Variants in FNDC3B observed in about 807,000 individuals in gnomAD.
FNDC3B encodes the protein fibronectin type III domain-containing protein 3B.
A neutral mutation model predicts 151.5 loss-of-function variants in FNDC3B; 12 were observed. The observed-to-expected ratio is 0.08, with a 90% CI of 0.05 to 0.13. FNDC3B has a LOEUF of 0.13. Ranked by LOEUF, FNDC3B falls within the 10% of genes least tolerant of loss-of-function variation. The pLI is 1.00. For missense variants in FNDC3B, 1,214 were observed against 1,505.3 expected, an observed-to-expected ratio of 0.81 and a Z score of 3.20; for synonymous variants, 528 against 549.0, an observed-to-expected ratio of 0.96 and a Z score of 0.54.
At chr3:172,183,481 A>G (rs1724019789) in intron 3 of FNDC3B, among the ~76,000 whole-genome samples, 1 of 152,032 alleles carries the variant, frequency 6.6e-6, no homozygotes, top group African/African-American at 2.4e-5. Context: ...ATTTTAACCC[A>G]TTTCTGGTTG....
At chr3:172,079,035 A>G (rs1718159480) in intron 1 of FNDC3B, among the ~76,000 whole-genome samples, 1 of 152,170 alleles carries the variant, frequency 6.6e-6, no homozygotes, top group Admixed American at 6.5e-5. Context: ...CACGCCCTAT[A>G]GAAATTATGT....
intron 3 of FNDC3B, among the ~76,000 whole-genome samples, chr3:172,164,420 T>A (rs1559996350): frequency 6.6e-6 from 1 of 152,132 alleles, no homozygotes. Flanking sequence ...TATTAGGAAG[T>A]AATACCTATA....
chr3:172,073,118 A>G (rs571372640), intron 1 of FNDC3B, among the ~76,000 whole-genome samples: 32 of 152,106 alleles, frequency 2.1e-4, no homozygotes, highest in African/African-American at 6.0e-4. Flanking sequence ...TAACACAGAC[A>G]TTTTCTTTGT....
chr3:172,372,426 G>C lies in FNDC3B; in HGVS notation c.3009-5844G>C, dbSNP rs373400309. Among the ~76,000 whole-genome samples, 6 of 152,314 alleles carry C rather than the reference G, an allele frequency of 3.9e-5. No homozygotes were observed. In the East Asian group the frequency reaches 9.6e-4, roughly 24 times the overall value. The stretch of plus-strand genomic sequence containing the variant: ...CCTGAACTCATACTAAAATGACTCA[G>C]TGACTTTATTGAGCATATGGTATGT... On this transcript the variant is annotated intron_variant, in intron 23 of 25. Coordinates refer to ENST00000415807, the MANE Select transcript of FNDC3B (RefSeq NM_022763.4).
chr3:172,254,359 T>G (rs1728229809), intron 6 of FNDC3B, among the ~76,000 whole-genome samples: 1 of 145,730 alleles, frequency 6.9e-6, no homozygotes, highest in Admixed American at 6.8e-5. Context: ...TGACTTCATG[T>G]TTTTTTTTTT....
chr3:172,174,164 G>A lies in FNDC3B; in HGVS notation c.187+40618G>A, dbSNP rs774563791. On this transcript the variant is annotated intron_variant, in intron 3 of 25. Coordinates refer to ENST00000415807, the MANE Select transcript of FNDC3B (RefSeq NM_022763.4). ...CTCTCATTCTCTTTTACCAAAGAGC[G>A]AATTCATTATTGAACCTGTTAGGAT... Among the ~76,000 whole-genome samples, 3 of 152,166 alleles carry A rather than the reference G, an allele frequency of 2.0e-5. No homozygotes were observed. The South Asian group carries it at 6.2e-4, about 31-fold the overall frequency.
chr3:172,060,140 A>T (rs1005536145), intron 1 of FNDC3B, among the ~76,000 whole-genome samples: 1 of 152,244 alleles, frequency 6.6e-6, no homozygotes, highest in Non-Finnish European at 1.5e-5. Context: ...GAGAACCCTC[A>T]TAGTCAGTGG....
At chr3:172,291,111 G>T (rs1366559854) in intron 7 of FNDC3B, among the ~76,000 whole-genome samples, 3 of 152,184 alleles carry the variant, frequency 2.0e-5, no homozygotes, top group African/African-American at 7.2e-5. Flanking sequence ...TTACAGAACA[G>T]TATTAAAATA....
intron 1 of FNDC3B, among the ~76,000 whole-genome samples, chr3:172,083,340 A>T (rs952363597): frequency 6.6e-6 from 1 of 152,196 alleles, no homozygotes; most frequent in Admixed American, 6.5e-5. Flanking sequence ...GTGCAGATGG[A>T]GCTGCACACA....
At chr3:172,315,784 T>G (rs1306732106) in intron 11 of FNDC3B, among the ~76,000 whole-genome samples, 1 of 152,112 alleles carries the variant, frequency 6.6e-6, no homozygotes, top group Non-Finnish European at 1.5e-5. Flanking sequence ...AGGAGCTTGG[T>G]TAACAGCAAA....
intron 3 of FNDC3B, among the ~76,000 whole-genome samples, chr3:172,137,687 T>A (rs1559983540): frequency 6.6e-6 from 1 of 152,076 alleles, no homozygotes; most frequent in Non-Finnish European, 1.5e-5. Context: ...ATGTCCTTGG[T>A]GATAAGGAAG....
chr3:172,292,768 AAT>A (rs778222161), intron 7 of FNDC3B, among the ~76,000 whole-genome samples: 2 of 152,226 alleles, frequency 1.3e-5, no homozygotes, highest in Non-Finnish European at 2.9e-5. Flanking sequence ...TTAAAAATAA[AAT>A]ATGATACCCA....
At chr3:172,316,157 G>A (rs1731780680) in intron 11 of FNDC3B, among the ~76,000 whole-genome samples, 1 of 151,806 alleles carries the variant, frequency 6.6e-6, no homozygotes, top group Non-Finnish European at 1.5e-5. Context: ...ACAGGCGTCT[G>A]CCACCACACC....
chr3:172,320,204 A>G (rs1732012675), intron 11 of FNDC3B, among the ~76,000 whole-genome samples: 1 of 152,068 alleles, frequency 6.6e-6, no homozygotes, highest in South Asian at 2.1e-4. Flanking sequence ...ACATGGTGAA[A>G]CCCTGTCTCT....
intron 23 of FNDC3B, among the ~76,000 whole-genome samples, chr3:172,374,689 G>T (rs1477223650): frequency 6.6e-6 from 1 of 152,098 alleles, no homozygotes; most frequent in African/African-American, 2.4e-5. Flanking sequence ...CACTGTGCCC[G>T]GCCAGCAGTT....
chr3:172,314,750 G>A (rs1457791575), intron 11 of FNDC3B, among the ~76,000 whole-genome samples: 1 of 152,222 alleles, frequency 6.6e-6, no homozygotes, highest in African/African-American at 2.4e-5. Flanking sequence ...GCTGTGCCGA[G>A]TTGACCTTCA....
At chr3:172,255,380 TGCCTCAGCCTCCC>T (rs1728280097) in intron 6 of FNDC3B, among the ~76,000 whole-genome samples, 1 of 152,212 alleles carries the variant, frequency 6.6e-6, no homozygotes, top group African/African-American at 2.4e-5. Context: ...GCGATTCTTC[TGCCTCAGCCTCCC>T]GAGTAGCTAG....
At chr3:172,123,839 A>C (rs1196744954) in intron 2 of FNDC3B, among the ~76,000 whole-genome samples, 2 of 152,218 alleles carry the variant, frequency 1.3e-5, no homozygotes, top group African/African-American at 4.8e-5. Context: ...AATGAATGGC[A>C]TCCATATTTT....
rs914098005 is a variant in FNDC3B, at chr3:172,205,236, T to C, written c.188-21635T>C. On this transcript the variant is annotated intron_variant, in intron 3 of 25. Coordinates refer to ENST00000415807, the MANE Select transcript of FNDC3B (RefSeq NM_022763.4). The stretch of plus-strand genomic sequence containing the variant: ...GGGTATTCTTATCCAGGACTAACTG[T>C]ACTCATGGAAAAATCTAGTTCTTTA... Among the ~76,000 whole-genome samples the C allele has an allele frequency of 1.6e-4, 24 of 152,330 alleles. No homozygotes were observed. In the South Asian group the frequency reaches 1.7e-3, roughly 11 times the overall value.
Sources: allele counts gnomAD v4.1 joint callset (sites outside exome capture counted in the v4.1 genomes callset), GRCh38; gene constraint gnomAD v4.1.1; transcripts MANE v1.5; gene names NCBI Gene and HGNC (gene_info 2026-07-23, HGNC 2026-07-21).